PCDH15: variants seen among roughly 807,000 people sequenced by gnomAD.
PCDH15 encodes protocadherin-15.
A neutral mutation model predicts 178.5 loss-of-function variants in PCDH15; 129 were observed. That is an observed-to-expected ratio of 0.72 (90% confidence interval 0.63 to 0.84). The LOEUF is 0.84. Ranked by LOEUF, PCDH15 falls within the 40% of genes least tolerant of loss-of-function variation. The pLI is 0.00. For synonymous variants in PCDH15, 800 were observed against 732.0 expected (o/e 1.09, Z -1.50); for missense variants, 2,230 against 2,099.9 (o/e 1.06, Z -1.21).
chr10:53,812,619 C>G (rs1301314091), intron 35 of PCDH15, among the ~76,000 whole-genome samples: 1 of 152,096 alleles, frequency 6.6e-6, no homozygotes, highest in African/African-American at 2.4e-5. Context: ...CTGTCAAACT[C>G]TACTTATAGA....
At chr10:55,413,584 C>T (rs887442171) in intron 2 of PCDH15, among the ~76,000 whole-genome samples, 2 of 151,220 alleles carry the variant, frequency 1.3e-5, no homozygotes, top group African/African-American at 4.8e-5. Flanking sequence ...TTTTTTTCAA[C>T]TTTAAACAAA....
chr10:55,078,202 T>G (rs1263211385), intron 2 of PCDH15, among the ~76,000 whole-genome samples: 1 of 152,160 alleles, frequency 6.6e-6, no homozygotes, highest in East Asian at 1.9e-4. Context: ...TATGGGAGTG[T>G]TTTTGTAAAT....
chr10:55,509,530 A>G (rs752498433), intron 2 of PCDH15, among the ~76,000 whole-genome samples: 3 of 151,874 alleles, frequency 2.0e-5, no homozygotes, highest in East Asian at 3.9e-4. Context: ...CTGTTTTTCA[A>G]TTAGGGGAGA....
intron 2 of PCDH15, among the ~76,000 whole-genome samples, chr10:54,979,873 A>C (rs562913491): frequency 6.6e-5 from 10 of 152,262 alleles, no homozygotes; most frequent in African/African-American, 2.4e-4. Flanking sequence ...AATACTTTTT[A>C]ATGCAATACT....
chr10:54,470,297 C>T (rs1427565045), intron 3 of PCDH15, among the ~76,000 whole-genome samples: 3 of 152,140 alleles, frequency 2.0e-5, no homozygotes, highest in Non-Finnish European at 4.4e-5. Flanking sequence ...CTTCGGGGTG[C>T]TTTTAAGCGT....
At chr10:55,585,237 A>G (rs1842703353) in intron 2 of PCDH15, among the ~76,000 whole-genome samples, 1 of 152,140 alleles carries the variant, frequency 6.6e-6, no homozygotes, top group Non-Finnish European at 1.5e-5. Flanking sequence ...CATGGATAAC[A>G]GAGACTAATG....
At chr10:53,943,978 A>C (rs961639945) in intron 23 of PCDH15, among the ~76,000 whole-genome samples, 1 of 152,178 alleles carries the variant, frequency 6.6e-6, no homozygotes, top group East Asian at 1.9e-4. Context: ...GGCAAATTGC[A>C]TACTCTCTTT....
intron 26 of PCDH15, among the ~76,000 whole-genome samples, chr10:53,867,413 CTGTT>C (rs2079535141): frequency 6.6e-6 from 1 of 152,070 alleles, no homozygotes; most frequent in Non-Finnish European, 1.5e-5. Context: ...GAAGTGATAA[CTGTT>C]TGAGATGACA....
At chr10:54,751,140 T>A (rs552037081) in intron 1 of PCDH15, among the ~76,000 whole-genome samples, 53 of 152,236 alleles carry the variant, frequency 3.5e-4, no homozygotes, top group African/African-American at 1.1e-3. Flanking sequence ...TATTTTATAT[T>A]TGTGCTGCAT....
intron 18 of PCDH15, among the ~76,000 whole-genome samples, chr10:54,052,218 C>T (rs1306108856): frequency 6.6e-6 from 1 of 152,204 alleles, no homozygotes; most frequent in Non-Finnish European, 1.5e-5. Flanking sequence ...AAGAGGGCCA[C>T]CATCCTCCAG....
At chr10:54,884,595 C>CT (rs2131809477) in intron 3 of PCDH15, among the ~76,000 whole-genome samples, 1 of 151,894 alleles carries the variant, frequency 6.6e-6, no homozygotes, top group Admixed American at 6.6e-5. Flanking sequence ...GAGTATAAAT[C>CT]TTTTCCATGC....
intron 14 of PCDH15, among the ~76,000 whole-genome samples, chr10:54,152,602 TA>T (rs1323757281): frequency 1.3e-5 from 2 of 151,530 alleles, no homozygotes; most frequent in African/African-American, 4.8e-5. Context: ...AATCTGGAAA[TA>T]AACAATAAAT....
chr10:53,855,913 T>TATATATATATATATATATATATAA (rs2078700887), intron 28 of PCDH15, among the ~76,000 whole-genome samples: 1 of 142,144 alleles, frequency 7.0e-6, no homozygotes, highest in Admixed American at 7.2e-5. Context: ...TGTATATATA[T>TATATATATATATATATATATATAA]ATATATATGT....
At chr10:54,220,681 C>T (rs1223070784) in intron 9 of PCDH15, among the ~76,000 whole-genome samples, 3 of 151,946 alleles carry the variant, frequency 2.0e-5, no homozygotes, top group Non-Finnish European at 4.4e-5. Flanking sequence ...AAAAATTAGC[C>T]GGGCGTGGTG....
chr10:54,313,925 T>C (rs1015756261), intron 8 of PCDH15, among the ~76,000 whole-genome samples: 2 of 152,092 alleles, frequency 1.3e-5, no homozygotes, highest in African/African-American at 2.4e-5. Flanking sequence ...GTCTCTATCT[T>C]CCTTTACTTT....
At chr10:55,334,184 G>A (rs1048639655) in intron 2 of PCDH15, among the ~76,000 whole-genome samples, 5 of 131,986 alleles carry the variant, frequency 3.8e-5, no homozygotes, top group East Asian at 4.4e-4. Context: ...TTAGTTTCCC[G>A]TATCTCATTA....
chr10:54,127,336 G>A (rs996005704), intron 15 of PCDH15, among the ~76,000 whole-genome samples: 3 of 152,130 alleles, frequency 2.0e-5, no homozygotes, highest in Admixed American at 6.5e-5. Context: ...GGATGACCTC[G>A]CCAGCAGTAG....
At chr10:55,464,009 G>GAA (rs1158986656) in intron 2 of PCDH15, among the ~76,000 whole-genome samples, 1 of 84,336 alleles carries the variant, frequency 1.2e-5, no homozygotes, top group Non-Finnish European at 2.4e-5. Context: ...AAGAAAGAAA[G>GAA]AAAGAAAGAA....
chr10:55,254,647 C>G (rs1293705298), intron 1 of PCDH15, among the ~76,000 whole-genome samples: 2 of 152,082 alleles, frequency 1.3e-5, no homozygotes, highest in Non-Finnish European at 2.9e-5. Flanking sequence ...TTAATCTTAC[C>G]TACAAAAGGC....
Sources: allele counts gnomAD v4.1 joint callset (sites outside exome capture counted in the v4.1 genomes callset), GRCh38; gene constraint gnomAD v4.1.1; transcripts MANE v1.5; gene names NCBI Gene and HGNC (gene_info 2026-07-23, HGNC 2026-07-21).